Variants in ZNF148 observed in about 807,000 individuals in gnomAD.
The protein encoded by ZNF148 is Beta-Enolase Repressor Factor-1.
Under a neutral mutation model 67.7 loss-of-function variants are expected in ZNF148, and 7 were observed. The ratio of observed to expected loss-of-function variants is 0.10; its 90% CI spans 0.06 to 0.19. ZNF148 has a LOEUF of 0.19. Among genes scored for constraint, ZNF148 ranks in the 10% least tolerant of loss-of-function variants. ZNF148 has a pLI of 1.00. For missense variants in ZNF148, 583 were observed against 947.1 expected (o/e 0.62, Z 5.05); for synonymous variants, 333 against 330.7 (o/e 1.01, Z -0.08).
At chr3:125,266,592 A>G (rs920130423) in intron 7 of ZNF148, among the ~76,000 whole-genome samples, 6 of 152,210 alleles carry the variant, frequency 3.9e-5, no homozygotes, top group Admixed American at 2.6e-4. Context: ...AGGAAAGTTT[A>G]TAGCACTAAA....
chr3:125,254,669 G>A (rs1451508836), intron 7 of ZNF148, among the ~76,000 whole-genome samples: 2 of 151,454 alleles, frequency 1.3e-5, no homozygotes, highest in African/African-American at 4.9e-5. Context: ...AGCAACACTT[G>A]CTTTTTGTGG....
At chr3:125,317,503 T>C (rs537549915) in intron 3 of ZNF148, among the ~76,000 whole-genome samples, 7 of 151,866 alleles carry the variant, frequency 4.6e-5, no homozygotes, top group Non-Finnish European at 8.8e-5. Flanking sequence ...GACAGGTGAC[T>C]TGTTAAATTA....
intron 7 of ZNF148, among the ~76,000 whole-genome samples, chr3:125,262,560 C>G (rs1181685256): frequency 6.6e-6 from 1 of 152,162 alleles, no homozygotes; most frequent in African/African-American, 2.4e-5. Flanking sequence ...ACACTGGTTT[C>G]CCTTGTAATA....
intron 3 of ZNF148, among the ~76,000 whole-genome samples, chr3:125,320,973 TAA>T (rs1940744520): frequency 6.6e-6 from 1 of 152,200 alleles, no homozygotes; most frequent in Admixed American, 6.5e-5. Flanking sequence ...AACCCATGAT[TAA>T]TACCAGAACC....
At chr3:125,317,846 G>A (rs1315505057) in intron 3 of ZNF148, among the ~76,000 whole-genome samples, 1 of 150,486 alleles carries the variant, frequency 6.6e-6, no homozygotes, top group African/African-American at 2.4e-5. Context: ...TTTCTTTAAT[G>A]TTACGGCAAG....
chr3:125,369,261 CAAAAAAAAAAA>C lies in ZNF148; in HGVS notation c.-234+5830_-234+5840del, dbSNP rs71148178. ...TGAGTGACAGAGTGAGATCCTGCCT[CAAAAAAAAAAA>C]AAAAAAAAAAAAAAGCCATAGAAGC... On this transcript the variant is annotated intron_variant, in intron 1 of 8. Transcript: ENST00000360647. Among the ~76,000 whole-genome samples, 19 of 12,888 alleles carry C rather than the reference CAAAAAAAAAAA, an allele frequency of 1.5e-3. 1 individual carries two copies. Among genetic ancestry groups the C allele is most frequent in the Non-Finnish European group, 1.8e-3 (15 of 8,446 alleles). 8.5% of individuals were successfully genotyped at this position (12,888 alleles called of 152,430 possible).
At chr3:125,286,312 A>C (rs751721845) in intron 5 of ZNF148, among the ~76,000 whole-genome samples, 1 of 152,202 alleles carries the variant, frequency 6.6e-6, no homozygotes, top group Non-Finnish European at 1.5e-5. Context: ...ATAAAATGCC[A>C]ACAAAAATTT....
intron 4 of ZNF148, among the ~76,000 whole-genome samples, chr3:125,302,423 G>A (rs1939643512): frequency 6.6e-6 from 1 of 151,544 alleles, no homozygotes; most frequent in South Asian, 2.1e-4. Context: ...GTACATTAAT[G>A]AAACCCAGAC....
rs1352041531 is a variant in ZNF148, at chr3:125,344,027, C to T, written c.-233-12789G>A. ...CAAAAAAAATGTTCCTGTTAATCTT[C>T]AAATGGTGCTTGTTATAGTTTAACA... On this transcript the variant is annotated intron_variant, in intron 1 of 8. Transcript: ENST00000360647. 3 of 166,692 alleles carry T rather than the reference C, an allele frequency of 1.8e-5. No individual in the cohort carries two copies. The Admixed American group carries it at 1.9e-4, about 10-fold the overall frequency. The allele number at this position is 166,692 out of a possible 1,614,324, so 10.3% of individuals were successfully genotyped here.
In ZNF148 at chr3:125,230,628, C is replaced by T. The variant is rs1165044971; in HGVS notation, c.*1713G>A. Reference sequence around the variant, plus strand: ...CTTTATGAGAACAGTCTTGGGATAACATTAAATAAAAGAAAAAATAATTTA... The same window carrying T: ...CTTTATGAGAACAGTCTTGGGATAATATTAAATAAAAGAAAAAATAATTTA... On this transcript the variant is annotated 3_prime_UTR_variant, in exon 9 of 9. Coordinates refer to ENST00000360647, the MANE Select transcript of ZNF148 (RefSeq NM_021964.3). 11 of 152,204 alleles carry T rather than the reference C, an allele frequency of 7.2e-5. No individual in the cohort carries two copies. Among genetic ancestry groups the T allele is most frequent in the Non-Finnish European group, 1.2e-4 (8 of 67,890 alleles). The allele number at this position is 152,204 out of a possible 1,614,324, so 9.4% of individuals were successfully genotyped here.
chr3:125,341,595 T>C (rs1941726289), intron 1 of ZNF148, among the ~76,000 whole-genome samples: 1 of 150,410 alleles, frequency 6.6e-6, no homozygotes, highest in Admixed American at 6.6e-5. Context: ...CACTACTGCC[T>C]AGAAAAAAAA....
chr3:125,228,189 CAAAGTT>C lies in ZNF148; in HGVS notation c.*4146_*4151del, dbSNP rs1667775121. On this transcript the variant is annotated 3_prime_UTR_variant, in exon 9 of 9. Coordinates refer to ENST00000360647, the MANE Select transcript of ZNF148 (RefSeq NM_021964.3). ...AAATATTAAAATCCAAAGCAAATCA[CAAAGTT>C]AGGTAGCAGTACAGAAGCAGGAAAA... The C allele has an allele frequency of 6.6e-6, 1 of 152,522 alleles. No individual in the cohort carries two copies. The highest frequency in any genetic ancestry group is 2.4e-5 in the African/African-American group (1 of 41,420). The allele number at this position is 152,522 out of a possible 1,614,324, so 9.4% of individuals were successfully genotyped here.
intron 2 of ZNF148, among the ~76,000 whole-genome samples, chr3:125,329,257 T>C (rs1168961264): frequency 6.8e-6 from 1 of 148,092 alleles, no homozygotes; most frequent in Non-Finnish European, 1.5e-5. Flanking sequence ...ATCTGTAGTA[T>C]ATACATATGA....
At chr3:125,324,820 T>G (rs1433059502) in intron 2 of ZNF148, among the ~76,000 whole-genome samples, 2 of 152,232 alleles carry the variant, frequency 1.3e-5, no homozygotes, top group Non-Finnish European at 2.9e-5. Context: ...TTCAACAGTT[T>G]ATATATTTTT....
chr3:125,355,821 C>T (rs1244831362), intron 1 of ZNF148, among the ~76,000 whole-genome samples: 1 of 152,082 alleles, frequency 6.6e-6, no homozygotes, highest in African/African-American at 2.4e-5. Flanking sequence ...TTGTGTGTGG[C>T]TAATGTAGTA....
rs189168104 is a variant in ZNF148, at chr3:125,321,366, A to G, written c.-17+1943T>C. On this transcript the variant is annotated intron_variant, in intron 3 of 8. Coordinates refer to ENST00000360647, the MANE Select transcript of ZNF148 (RefSeq NM_021964.3). ...TAATCAGAAAACTTACACGTTAACA[A>G]TAATCATTTTATATGACTTTAAAAA... Among the ~76,000 whole-genome samples, 10 of 152,272 alleles carry G rather than the reference A, an allele frequency of 6.6e-5. No individual in the cohort carries two copies. The East Asian group carries it at 1.7e-3, about 26-fold the overall frequency.
rs146384759 is a variant in ZNF148 at position 125,307,233 on chromosome 3, T to C, written c.333+6075A>G. On this transcript the variant is annotated intron_variant, in intron 4 of 8. Transcript: ENST00000360647. ...AGCATAATTCACCATATTAAGAGAA[T>C]AATGACAGGATATTCATATGATCAT... Among the ~76,000 whole-genome samples, 165 of 152,206 alleles carry C rather than the reference T, an allele frequency of 1.1e-3. 1 individual carries two copies. The highest frequency in any genetic ancestry group is 3.4e-3 in the African/African-American group (141 of 41,556).
At chr3:125,361,602 C>G (rs1184121791) in intron 1 of ZNF148, among the ~76,000 whole-genome samples, 1 of 152,052 alleles carries the variant, frequency 6.6e-6, no homozygotes, top group Non-Finnish European at 1.5e-5. Flanking sequence ...GAGGCCAAAG[C>G]AGGTGGATCA....
intron 1 of ZNF148, among the ~76,000 whole-genome samples, chr3:125,369,766 A>C (rs1046711977): frequency 1.3e-5 from 2 of 152,296 alleles, no homozygotes; most frequent in Admixed American, 6.5e-5. Context: ...ACCTGAGGTC[A>C]GGAGTTCAAG....
Sources: gnomAD v4.1 joint callset for allele counts (sites outside exome capture counted in the v4.1 genomes callset) on GRCh38, gnomAD v4.1.1 for gene constraint, MANE v1.5 for transcripts, NCBI Gene and HGNC (gene_info 2026-07-23, HGNC 2026-07-21) for gene names.